Variants in GATB observed in about 807,000 individuals in gnomAD.
The protein encoded by GATB is glutamyl-tRNA amidotransferase subunit B, also known as glutamyl-tRNA(Gln) amidotransferase subunit B, mitochondrial.
In GATB, 39 loss-of-function variants were observed where a neutral mutation model predicts 62.3. The ratio of observed to expected loss-of-function variants is 0.63; its 90% CI spans 0.48 to 0.82. The LOEUF is 0.82. Ranked by LOEUF, GATB falls within the 40% of genes least tolerant of loss-of-function variation. The pLI is 0.00. For missense variants in GATB, 670 were observed against 684.0 expected (o/e 0.98, Z 0.23); for synonymous variants, 276 against 258.9 (o/e 1.07, Z -0.63).
At chr4:151,673,882 A>C (rs1737939820) in intron 11 of GATB, 1 of 152,272 alleles carries the variant, frequency 6.6e-6, no homozygotes, top group South Asian at 2.1e-4. Context: ...CGGGCCAACC[A>C]GGAGCCATTC....
At chr4:151,712,821 G>T (rs1738844181) in intron 5 of GATB, among the ~76,000 whole-genome samples, 1 of 152,170 alleles carries the variant, frequency 6.6e-6, no homozygotes, top group African/African-American at 2.4e-5. Context: ...ACATTCATTA[G>T]TACATTTCTT....
chr4:151,750,117 G>A (rs1301142718), intron 2 of GATB, among the ~76,000 whole-genome samples: 3 of 152,286 alleles, frequency 2.0e-5, no homozygotes, highest in South Asian at 2.1e-4. Context: ...TCCTGACCTC[G>A]TGATCCGCCC....
At position 151,730,358 on chromosome 4, in the gene GATB, G is replaced by A. The variant is rs924437853; in HGVS notation, c.328-10820C>T. Among the ~76,000 whole-genome samples the A allele has an allele frequency of 2.0e-5, 3 of 152,176 alleles. No homozygotes were observed. Among genetic ancestry groups the A allele is most frequent in the Admixed American group, 6.5e-5 (1 of 15,278 alleles). On this transcript the variant is annotated intron_variant, in intron 2 of 12. Coordinates refer to ENST00000263985, the MANE Select transcript of GATB (RefSeq NM_004564.3). This position sits in a 1 kb window ranked among gnomAD's most constrained non-coding sequence, Gnocchi z 4.1. ...CCTACTCAACCTGGTAACAGAAGACGAAGGACATACAATCTTGGGAGTTCT... is the reference window on the plus strand; with the variant it reads ...CCTACTCAACCTGGTAACAGAAGACAAAGGACATACAATCTTGGGAGTTCT...
chr4:151,759,795 T>C (rs1560869748), intron 1 of GATB, among the ~76,000 whole-genome samples: 2 of 152,066 alleles, frequency 1.3e-5, no homozygotes, highest in East Asian at 3.8e-4. Context: ...TATATACATA[T>C]ATATATATAT....
At chr4:151,754,382 C>A (rs1739780857) in intron 2 of GATB, among the ~76,000 whole-genome samples, 1 of 152,160 alleles carries the variant, frequency 6.6e-6, no homozygotes, top group Non-Finnish European at 1.5e-5. Flanking sequence ...TTCCTATGTG[C>A]TCCTCAAGCA....
intron 2 of GATB, chr4:151,723,965 G>T (rs144341164): frequency 1.3e-5 from 2 of 152,300 alleles, no homozygotes; most frequent in East Asian, 3.9e-4. Context: ...TTTTAATAAA[G>T]AATTGCTTGT....
chr4:151,710,883 G>A (rs1200184164), intron 5 of GATB, among the ~76,000 whole-genome samples: 1 of 152,052 alleles, frequency 6.6e-6, no homozygotes, highest in Admixed American at 6.6e-5. Flanking sequence ...ACCTCTCTGA[G>A]CTCCACACTT....
At chr4:151,717,408 T>A (rs1738936214) in intron 3 of GATB, 3 of 284,494 alleles carry the variant, frequency 1.1e-5, no homozygotes, top group Non-Finnish European at 2.0e-5. Flanking sequence ...AAGAAAAGAA[T>A]TTATTGTTTC....
At chr4:151,737,752 G>A (rs547485294) in intron 2 of GATB, among the ~76,000 whole-genome samples, 7 of 152,308 alleles carry the variant, frequency 4.6e-5, no homozygotes, top group South Asian at 4.1e-4. Context: ...CCACTCCAGC[G>A]TGACTAAAAG....
chr4:151,736,145 TGC>T (rs1365454178), intron 2 of GATB, among the ~76,000 whole-genome samples: 17 of 152,232 alleles, frequency 1.1e-4, no homozygotes, highest in African/African-American at 4.1e-4. Flanking sequence ...AACTTTCCTA[TGC>T]CATAGATTCA....
At chr4:151,672,951 G>T in intron 11 of GATB, 55 bp from the exon 12 acceptor site, 1 of 1,598,196 alleles carries the variant, frequency 6.3e-7, no homozygotes, top group Non-Finnish European at 8.5e-7. Flanking sequence ...TCTTCTGCCA[G>T]CTCCATTTGC....
At chr4:151,703,685 T>A in intron 8 of GATB, 166 bp downstream of exon 8, 1 of 639,982 alleles carries the variant, frequency 1.6e-6, no homozygotes, top group Non-Finnish European at 2.8e-6. Context: ...AGTACTTCTC[T>A]CGGTATGCAT....
intron 5 of GATB, among the ~76,000 whole-genome samples, chr4:151,708,805 G>A (rs1738765114): frequency 6.6e-6 from 1 of 152,178 alleles, no homozygotes; most frequent in Non-Finnish European, 1.5e-5. Context: ...ATGCTGGGAG[G>A]ACCTTCTTTG....
chr4:151,720,272 C>A (rs1335008656), intron 2 of GATB: 1 of 152,172 alleles, frequency 6.6e-6, no homozygotes, highest in African/African-American at 2.4e-5. Context: ...CACTGGGGGT[C>A]TGGAACTAGA....
At chr4:151,671,580 C>G (rs1737862378) in intron 12 of GATB, among the ~76,000 whole-genome samples, 1 of 152,140 alleles carries the variant, frequency 6.6e-6, no homozygotes, top group Admixed American at 6.5e-5. Context: ...CCAGGGCCCT[C>G]CCCTCTGCGA....
intron 2 of GATB, chr4:151,723,893 T>G (rs1739080611): frequency 6.6e-6 from 1 of 152,156 alleles, no homozygotes; most frequent in African/African-American, 2.4e-5. Context: ...TAGAGAGAGA[T>G]AAGGCACATA....
intron 11 of GATB, chr4:151,674,933 G>T (rs894727727): frequency 6.6e-6 from 1 of 152,224 alleles, no homozygotes; most frequent in Non-Finnish European, 1.5e-5. Context: ...CTGGGTCTGC[G>T]TCTGCAGACA....
At chr4:151,671,330 G>C (rs1261747314) in intron 12 of GATB, 28 bp from the exon 13 acceptor site, 1 of 1,027,666 alleles carries the variant, frequency 9.7e-7, no homozygotes, top group Non-Finnish European at 1.3e-6. Context: ...ACTTACTTAA[G>C]AGGAGAAAAT....
intron 11 of GATB, among the ~76,000 whole-genome samples, chr4:151,678,459 A>C (rs1221346421): frequency 2.7e-5 from 4 of 150,792 alleles, no homozygotes; most frequent in South Asian, 4.2e-4. Flanking sequence ...CTCTCTCTCT[A>C]CATATATATA....
Sources: gnomAD v4.1 joint callset for allele counts (sites outside exome capture counted in the v4.1 genomes callset) on GRCh38, gnomAD v4.1.1 for gene constraint, Gnocchi (gnomAD v3.1) non-coding constraint, MANE v1.5 for transcripts, NCBI Gene and HGNC (gene_info 2026-07-23, HGNC 2026-07-21) for gene names.